Variants in BRD3 observed in about 807,000 individuals in gnomAD.
BRD3 encodes the protein bromodomain containing 3.
BRD3 carries 17 observed loss-of-function variants against 66.8 expected under a neutral mutation model. The observed-to-expected ratio is 0.25, with a 90% CI of 0.17 to 0.38. The LOEUF (loss-of-function observed/expected upper bound fraction) is 0.38, where lower values mean the gene tolerates loss of function less well. Ranked by LOEUF, BRD3 falls within the 10% of genes least tolerant of loss-of-function variation. BRD3 has a pLI of 1.00. For synonymous variants in BRD3, 421 were observed against 393.2 expected (o/e 1.07, Z -0.84); for missense variants, 713 against 956.1 (o/e 0.75, Z 3.35).
At chr9:134,039,834 C>T (rs560059130) in intron 9 of BRD3, among the ~76,000 whole-genome samples, 200 bp downstream of exon 9, 9 of 151,776 alleles carry the variant, frequency 5.9e-5, no homozygotes, top group South Asian at 4.1e-4. Context: ...AGGCCAGCCC[C>T]GCAGACAACT....
At chr9:134,056,336 T>G (rs1284790189) in intron 1 of BRD3, among the ~76,000 whole-genome samples, 2 of 152,010 alleles carry the variant, frequency 1.3e-5, no homozygotes, top group African/African-American at 4.8e-5. Context: ...GGCTGAGGGG[T>G]GCAGTATAAA....
At chr9:134,061,274 C>A in intron 1 of BRD3, among the ~76,000 whole-genome samples, 1 of 152,260 alleles carries the variant, frequency 6.6e-6, no homozygotes, top group East Asian at 1.9e-4. Context: ...ATGGGGGCAT[C>A]TCCAGCCTGG....
At chr9:134,063,726 C>A (rs1274627946) in intron 1 of BRD3, among the ~76,000 whole-genome samples, 2 of 152,198 alleles carry the variant, frequency 1.3e-5, no homozygotes, top group African/African-American at 4.8e-5. Context: ...TGAGGGCACT[C>A]CCTCTGCCCC....
chr9:134,052,842 T>C (rs947868299), intron 2 of BRD3, among the ~76,000 whole-genome samples: 3 of 152,048 alleles, frequency 2.0e-5, no homozygotes, highest in African/African-American at 7.2e-5. Flanking sequence ...TGGGCCCAGG[T>C]CAAAAATGAG....
chr9:134,030,498 T>C lies in BRD3; in HGVS notation c.*3092A>G, dbSNP rs1463829315. ...TTTCAGTAACTGACATTTACAGGAA[T>C]ATACTAGAAACGGCACTAAAAAGTT... On this transcript the variant is annotated 3_prime_UTR_variant, in exon 12 of 12. Coordinates refer to ENST00000303407, the MANE Select transcript of BRD3 (RefSeq NM_007371.4). 4.9e-6 allele frequency: 1 copy of C among 204,542 alleles called. No individual in the cohort carries two copies. The highest frequency in any genetic ancestry group is 2.3e-5 in the African/African-American group (1 of 43,656). The allele number at this position is 204,542 out of a possible 1,614,324, so 12.7% of individuals were successfully genotyped here. A position where few individuals can be genotyped will look rare whatever the true frequency, so the allele number is the denominator to read the frequency against.
At chr9:134,041,659 A>AG (rs1554828054) in intron 8 of BRD3, 101 bp downstream of exon 8, 111 of 1,404,920 alleles carry the variant, frequency 7.9e-5, no homozygotes, top group East Asian at 1.5e-4. Context: ...GCTGAGGGAC[A>AG]GGGGCAGAGG....
chr9:134,052,546 G>A (rs1830327494), intron 2 of BRD3, 103 bp from the exon 3 acceptor site: 1 of 1,348,300 alleles, frequency 7.4e-7, no homozygotes, highest in Non-Finnish European at 1.0e-6. Flanking sequence ...ACTGAGGACT[G>A]GGGCTGGCCC....
At chr9:134,036,645 AAC>A in intron 9 of BRD3, 1 of 1,289,494 alleles carries the variant, frequency 7.8e-7, no homozygotes, top group East Asian at 2.3e-5. Flanking sequence ...AGGAACAGAA[AAC>A]ACAGAGGAAA....
intron 5 of BRD3, among the ~76,000 whole-genome samples, chr9:134,049,629 G>A (rs953954406): frequency 2.0e-5 from 3 of 152,254 alleles, no homozygotes; most frequent in Admixed American, 6.5e-5. Flanking sequence ...CATAAGTGCA[G>A]GCAGTGAAGG....
intron 7 of BRD3, among the ~76,000 whole-genome samples, chr9:134,044,653 GGA>G (rs1830129955): frequency 6.6e-6 from 1 of 152,130 alleles, no homozygotes. Flanking sequence ...TGCGGGACCT[GGA>G]CTTTGGCAGA....
chr9:134,063,545 A>G (rs1307340455), intron 1 of BRD3, among the ~76,000 whole-genome samples: 1 of 152,162 alleles, frequency 6.6e-6, no homozygotes, highest in Non-Finnish European at 1.5e-5. Context: ...CTTCTGCCAC[A>G]TGACAGGTTA....
At chr9:134,035,769 G>A (rs1829895121) in intron 10 of BRD3, among the ~76,000 whole-genome samples, 1 of 152,266 alleles carries the variant, frequency 6.6e-6, no homozygotes, top group South Asian at 2.1e-4. Context: ...TTAAGGCCAA[G>A]GCACGCAGTG....
intron 5 of BRD3, among the ~76,000 whole-genome samples, chr9:134,048,915 G>A (rs1458965516): frequency 1.3e-5 from 2 of 152,196 alleles, no homozygotes; most frequent in Non-Finnish European, 2.9e-5. Flanking sequence ...CGGGGGCTCC[G>A]CGGACAAACA....
intron 1 of BRD3, chr9:134,058,680 G>A (rs1368807588): frequency 2.0e-5 from 3 of 152,250 alleles, no homozygotes; most frequent in Non-Finnish European, 4.4e-5. Flanking sequence ...CAGGGTCTGA[G>A]ATGACATCCC....
At chr9:134,041,214 C>G (rs1046038106) in intron 8 of BRD3, among the ~76,000 whole-genome samples, 3 of 152,238 alleles carry the variant, frequency 2.0e-5, no homozygotes, top group Non-Finnish European at 4.4e-5. Flanking sequence ...TGCCAGAGGT[C>G]TGGGGAAACA....
At chr9:134,034,626 C>A in intron 11 of BRD3, 75 bp downstream of exon 11, 1 of 1,576,218 alleles carries the variant, frequency 6.3e-7, no homozygotes. Context: ...CGTGGGCCTG[C>A]TCGATGCTCA....
chr9:134,038,671 ATCCAAAATGC>A (rs1457169036), intron 9 of BRD3, among the ~76,000 whole-genome samples: 4 of 152,110 alleles, frequency 2.6e-5, no homozygotes, highest in Non-Finnish European at 5.9e-5. Flanking sequence ...AAATCCAAAA[ATCCAAAATGC>A]TCCAAAATCT....
rs1274040370 is a variant in BRD3 at position 134,031,726 on chromosome 9, T to G, written c.*1864A>C. On this transcript the variant is annotated 3_prime_UTR_variant, in exon 12 of 12. Transcript: ENST00000303407. ...GTGGACTCTGAATCAATTTTATGGT[T>G]GTTTTAAAATCACCGTGTATTAGGA... 14 of 211,178 alleles carry G rather than the reference T, an allele frequency of 6.6e-5. No homozygotes were observed. The East Asian group carries it at 9.3e-4, about 14-fold the overall frequency. 13.1% of individuals were successfully genotyped at this position (211,178 alleles called of 1,614,324 possible). A position where few individuals can be genotyped will look rare whatever the true frequency, so the allele number is the denominator to read the frequency against.
chr9:134,061,363 G>C (rs995208444), intron 1 of BRD3, among the ~76,000 whole-genome samples: 1 of 152,236 alleles, frequency 6.6e-6, no homozygotes, highest in African/African-American at 2.4e-5. Context: ...GCAGGGTTGG[G>C]AGGACAGCTT....
Sources: allele counts gnomAD v4.1 joint callset (sites outside exome capture counted in the v4.1 genomes callset), GRCh38; gene constraint gnomAD v4.1.1; transcripts MANE v1.5; gene names NCBI Gene and HGNC (gene_info 2026-07-23, HGNC 2026-07-21).